The following IKZF1 variants were observed in gnomAD, a reference collection of about 807,000 sequenced individuals.
IKZF1 encodes the protein DNA-binding protein Ikaros.
In IKZF1, 10 loss-of-function variants were observed where a neutral mutation model predicts 51.7. The observed-to-expected ratio is 0.19, with a 90% CI of 0.12 to 0.33. The LOEUF (loss-of-function observed/expected upper bound fraction) is 0.33. Ranked by LOEUF, IKZF1 falls within the 10% of genes least tolerant of loss-of-function variation. The pLI, the probability that IKZF1 is intolerant of heterozygous loss-of-function variation, is 1.00. For missense variants in IKZF1, 484 were observed against 707.5 expected, an observed-to-expected ratio of 0.68 and a Z score of 3.58; for synonymous variants, 280 against 282.3, an observed-to-expected ratio of 0.99 and a Z score of 0.08.
chr7:50,304,101 G>GGCGGCGCCAGCAGGT (rs1470188939), upstream of IKZF1: 2 of 145,666 alleles, frequency 1.4e-5, no homozygotes, highest in African/African-American at 4.9e-5. Flanking sequence ...TGCAGCCGGC[G>GGCGGCGCCAGCAGGT]GCGGCGCCAG....
intron 3 of IKZF1, among the ~76,000 whole-genome samples, chr7:50,331,036 C>T (rs1360876672): frequency 6.6e-6 from 1 of 152,106 alleles, no homozygotes; most frequent in African/African-American, 2.4e-5. Context: ...ACCTGCATCA[C>T]AGAATGGCCT....
At position 50,403,180 on chromosome 7, in the gene IKZF1, AT is replaced by A; in HGVS notation, c.*2558del. The A allele has an allele frequency of 4.6e-6, 1 of 219,332 alleles. No individual in the cohort carries two copies. The highest frequency in any genetic ancestry group is 9.1e-6 in the Non-Finnish European group (1 of 109,480). The allele number at this position is 219,332 out of a possible 1,614,324, so 13.6% of individuals were successfully genotyped here. ...TGTTGTGGTTTTATATTGTAACACC[AT>A]TTTTCTTTGAAACTATTGTATTTAA... On this transcript the variant is annotated 3_prime_UTR_variant, in exon 8 of 8. Transcript: ENST00000331340.
At chr7:50,372,293 C>T (rs1385876828) in intron 3 of IKZF1, among the ~76,000 whole-genome samples, 4 of 152,348 alleles carry the variant, frequency 2.6e-5, no homozygotes, top group Non-Finnish European at 5.9e-5. Flanking sequence ...GGGAAATCCA[C>T]GCACTGCTTG....
intron 3 of IKZF1, among the ~76,000 whole-genome samples, chr7:50,337,471 C>T (rs960305614): frequency 2.6e-5 from 4 of 152,068 alleles, no homozygotes; most frequent in Non-Finnish European, 5.9e-5. Context: ...GGACACATGC[C>T]CTAAGATAGC....
chr7:50,319,207 C>A, intron 2 of IKZF1, 106 bp downstream of exon 2: 2 of 820,652 alleles, frequency 2.4e-6, no homozygotes, highest in South Asian at 1.7e-5. Context: ...AGGGGCTATT[C>A]TGCAAAAGAA....
chr7:50,369,353 G>T, intron 3 of IKZF1: 1 of 394,358 alleles, frequency 2.5e-6, no homozygotes, highest in East Asian at 3.6e-5. Context: ...AGACCCTTCA[G>T]TGAAGCCTTC....
intron 3 of IKZF1, among the ~76,000 whole-genome samples, chr7:50,330,449 A>C (rs987212514): frequency 6.6e-6 from 1 of 152,154 alleles, no homozygotes; most frequent in African/African-American, 2.4e-5. Context: ...AAAAGCCTAC[A>C]TGACAAACCA....
At chr7:50,391,249 C>T (rs1814961627) in intron 6 of IKZF1, among the ~76,000 whole-genome samples, 1 of 152,142 alleles carries the variant, frequency 6.6e-6, no homozygotes, top group Non-Finnish European at 1.5e-5. Context: ...CTCCACATTG[C>T]CCAGATCTGC....
At position 50,344,632 on chromosome 7, in the gene IKZF1, A is replaced by T. The variant is rs148431346; in HGVS notation, c.160+16875A>T. ...TCCCGTTATTTTGTACCTCATGTGC[A>T]GGTAGATTGCAAGTTCCTTGCAGGC... On this transcript the variant is annotated intron_variant, in intron 3 of 7. Coordinates refer to ENST00000331340, the MANE Select transcript of IKZF1 (RefSeq NM_006060.6). 5.3e-5 allele frequency among the ~76,000 whole-genome samples: 8 copies of T among 152,376 alleles called. No homozygotes were observed. The East Asian group carries it at 1.5e-3, about 29-fold the overall frequency.
intron 3 of IKZF1, among the ~76,000 whole-genome samples, chr7:50,374,273 G>C (rs1400862904): frequency 6.6e-6 from 1 of 152,192 alleles, no homozygotes; most frequent in Non-Finnish European, 1.5e-5. Flanking sequence ...TGGAACCTGT[G>C]GATATAGAAG....
chr7:50,393,899 T>C (rs1227701651), intron 7 of IKZF1: 2 of 232,708 alleles, frequency 8.6e-6, no homozygotes, highest in Non-Finnish European at 1.7e-5. Context: ...GATGGCGTCC[T>C]CTGTCAGGTG....
chr7:50,384,942 A>G (rs1480665010), intron 5 of IKZF1, among the ~76,000 whole-genome samples: 2 of 152,248 alleles, frequency 1.3e-5, no homozygotes, highest in African/African-American at 4.8e-5. Context: ...AGTCCTTAAA[A>G]GCAGAGCTGC....
intron 1 of IKZF1, among the ~76,000 whole-genome samples, chr7:50,314,283 T>C (rs529556736): frequency 6.6e-6 from 1 of 152,326 alleles, no homozygotes; most frequent in East Asian, 1.9e-4. Context: ...GCTAATTTTT[T>C]GTATTTTTAG....
In IKZF1 at chr7:50,400,947, T is replaced by C; in HGVS notation, c.*320T>C. 8 of 437,752 alleles carry C rather than the reference T, an allele frequency of 1.8e-5. No homozygotes were observed. The South Asian group carries it at 2.0e-4, about 11-fold the overall frequency. The allele number at this position is 437,752 out of a possible 1,614,324, so 27.1% of individuals were successfully genotyped here. ...CCCTTCTCCAAACGATTAGTCTAAA[T>C]TTTCAGAGAGAAATAGATAAAACAC... On this transcript the variant is annotated 3_prime_UTR_variant, in exon 8 of 8. Coordinates refer to ENST00000331340, the MANE Select transcript of IKZF1 (RefSeq NM_006060.6). The surrounding 1 kb of genome is among the most constrained non-coding windows in gnomAD (Gnocchi z 5.4).
In IKZF1 at chr7:50,403,453, G is replaced by A. The variant is rs571087915; in HGVS notation, c.*2826G>A. ...GTGTTTGAAGTAAATATTGGAGACC[G>A]GAGGGTAACAGGTTGGCCTGTTGAT... On this transcript the variant is annotated 3_prime_UTR_variant, in exon 8 of 8. Coordinates refer to ENST00000331340, the MANE Select transcript of IKZF1 (RefSeq NM_006060.6). 2.2e-4 allele frequency: 49 copies of A among 226,318 alleles called. No individual in the cohort carries two copies. In the South Asian group the frequency reaches 5.9e-3, roughly 27 times the overall value. The allele number at this position is 226,318 out of a possible 1,614,324, so 14.0% of individuals were successfully genotyped here.
At position 50,404,120 on chromosome 7, in the gene IKZF1, A is replaced by C. The variant is rs1818595004; in HGVS notation, c.*3493A>C. ...ATGGCACTCACTGTGAACATGTGTA[A>C]CCACATATTAATATGCAATATTGTT... On this transcript the variant is annotated 3_prime_UTR_variant, in exon 8 of 8. Coordinates refer to ENST00000331340, the MANE Select transcript of IKZF1 (RefSeq NM_006060.6). 1 of 215,144 alleles carries C rather than the reference A, an allele frequency of 4.6e-6. No individual in the cohort carries two copies. Among genetic ancestry groups the C allele is most frequent in the Non-Finnish European group, 9.4e-6 (1 of 106,260 alleles). The allele number at this position is 215,144 out of a possible 1,614,324, so 13.3% of individuals were successfully genotyped here.
At chr7:50,392,353 C>T (rs1815355353) in intron 7 of IKZF1, among the ~76,000 whole-genome samples, 7 of 151,932 alleles carry the variant, frequency 4.6e-5, no homozygotes, top group Admixed American at 4.6e-4. Context: ...CAGGGCTTAG[C>T]TAGGATTGCT....
intron 4 of IKZF1, among the ~76,000 whole-genome samples, chr7:50,377,931 T>C (rs1484888339): frequency 1.3e-5 from 2 of 152,010 alleles, no homozygotes; most frequent in East Asian, 3.9e-4. Context: ...AGGAAAAAAA[T>C]AGTTGAAAAT....
intron 7 of IKZF1, among the ~76,000 whole-genome samples, chr7:50,392,548 C>T (rs1815441529): frequency 6.6e-6 from 1 of 152,128 alleles, no homozygotes; most frequent in Admixed American, 6.5e-5. Flanking sequence ...AGCTCAGAGT[C>T]AATACAGAGC....
Sources: gnomAD v4.1 joint callset for allele counts (sites outside exome capture counted in the v4.1 genomes callset) on GRCh38, gnomAD v4.1.1 for gene constraint, Gnocchi (gnomAD v3.1) non-coding constraint, MANE v1.5 for transcripts, NCBI Gene and HGNC (gene_info 2026-07-23, HGNC 2026-07-21) for gene names.